Variants in LMX1A observed in about 807,000 individuals in gnomAD.
LMX1A encodes LIM homeobox transcription factor 1 alpha, also known as LIM homeobox transcription factor 1-alpha.
LMX1A carries 15 observed loss-of-function variants against 49.1 expected under a neutral mutation model. That is an observed-to-expected ratio of 0.31 (90% confidence interval 0.20 to 0.47). The LOEUF (loss-of-function observed/expected upper bound fraction) is 0.47, where lower values mean the gene tolerates loss of function less well. Ranked by LOEUF, LMX1A falls within the 20% of genes least tolerant of loss-of-function variation. LMX1A has a pLI of 1.00. For missense variants in LMX1A, 372 were observed against 475.8 expected (o/e 0.78, Z 2.03); for synonymous variants, 167 against 185.7 (o/e 0.90, Z 0.82).
In LMX1A at chr1:165,353,373, C is replaced by T. The variant is rs2101775333; in HGVS notation, c.77-111G>A. 3.5e-6 allele frequency: 3 copies of T among 852,876 alleles called. No homozygotes were observed. The East Asian group carries it at 8.1e-5, about 23-fold the overall frequency. 52.8% of individuals were successfully genotyped at this position (852,876 alleles called of 1,614,324 possible). ...CACATCCACGGATTCCCCCAGCGCC[C>T]CCCACCCCAGGGAACTCCTGCTAAT... On this transcript the variant is annotated intron_variant, in intron 2 of 8. Transcript: ENST00000342310.
At chr1:165,208,250 C>A (rs1340321848) in intron 6 of LMX1A, 118 bp from the exon 7 acceptor site, 2 of 852,382 alleles carry the variant, frequency 2.3e-6, no homozygotes, top group Non-Finnish European at 3.8e-6. Flanking sequence ...AAAGCTCTGG[C>A]TCTTACTTAG....
chr1:165,267,343 C>G (rs1209868047), intron 3 of LMX1A, among the ~76,000 whole-genome samples: 1 of 152,184 alleles, frequency 6.6e-6, no homozygotes, highest in African/African-American at 2.4e-5. Context: ...TACATGTGTT[C>G]AGTAGCATGT....
rs181169060 is a variant in LMX1A at position 165,268,379 on chromosome 1, A to G, written c.264-18739T>C. On this transcript the variant is annotated intron_variant, in intron 3 of 8. Transcript: ENST00000342310. ...TTTTGGGGCCAGTGTTAAGGCCAAG[A>G]TCATGAATGGTGAAGCAGATGGCTC... Among the ~76,000 whole-genome samples, 401 of 152,332 alleles carry G rather than the reference A, an allele frequency of 2.6e-3. 4 individuals are homozygous for G. The highest frequency in any genetic ancestry group is 9.0e-3 in the African/African-American group (376 of 41,574).
intron 4 of LMX1A, among the ~76,000 whole-genome samples, chr1:165,231,088 A>T (rs902198628): frequency 2.0e-4 from 28 of 142,406 alleles, no homozygotes; most frequent in African/African-American, 6.5e-4. Context: ...GTTTTTTAAA[A>T]TTTTTATTTA....
At chr1:165,216,906 C>T (rs1258723686) in intron 4 of LMX1A, among the ~76,000 whole-genome samples, 1 of 152,020 alleles carries the variant, frequency 6.6e-6, no homozygotes, top group African/African-American at 2.4e-5. Flanking sequence ...ATTTTCTCAT[C>T]AGGGAAAGTA....
chr1:165,335,366 G>A (rs894054971), intron 3 of LMX1A, among the ~76,000 whole-genome samples: 1 of 152,124 alleles, frequency 6.6e-6, no homozygotes, highest in African/African-American at 2.4e-5. Flanking sequence ...AAATGTGAGT[G>A]TATGTCCATT....
chr1:165,306,853 A>G (rs72702447), intron 3 of LMX1A, among the ~76,000 whole-genome samples: 2 of 152,318 alleles, frequency 1.3e-5, no homozygotes, highest in Non-Finnish European at 2.9e-5. Context: ...TCCACTCTCC[A>G]GTCCTTGTTG....
intron 3 of LMX1A, among the ~76,000 whole-genome samples, chr1:165,283,706 G>C (rs1654220794): frequency 6.6e-6 from 1 of 152,182 alleles, no homozygotes. Context: ...TTCATGAGTA[G>C]AGAAACCATG....
intron 3 of LMX1A, among the ~76,000 whole-genome samples, chr1:165,253,957 C>T (rs1231168397): frequency 6.6e-6 from 1 of 152,120 alleles, no homozygotes; most frequent in Non-Finnish European, 1.5e-5. Flanking sequence ...GCAGAAAATC[C>T]ACCCAGTTCA....
intron 3 of LMX1A, among the ~76,000 whole-genome samples, chr1:165,277,170 C>T (rs1012774128): frequency 4.6e-5 from 7 of 152,172 alleles, no homozygotes; most frequent in African/African-American, 1.7e-4. Flanking sequence ...GTAAAAGATG[C>T]AGGTAAGGAG....
chr1:165,303,408 T>C (rs957599312), intron 3 of LMX1A, among the ~76,000 whole-genome samples: 7 of 152,228 alleles, frequency 4.6e-5, no homozygotes, highest in Non-Finnish European at 8.8e-5. Flanking sequence ...CGCTTCATGG[T>C]TGGCTGACCT....
At chr1:165,313,918 G>A (rs1224983705) in intron 3 of LMX1A, among the ~76,000 whole-genome samples, 1 of 152,236 alleles carries the variant, frequency 6.6e-6, no homozygotes, top group Non-Finnish European at 1.5e-5. Flanking sequence ...CAGCATCACA[G>A]GAGGAACCCC....
Position 165,318,999 on chromosome 1 carries a change from T to TCACA in LMX1A, c.263+34073_263+34076dup, listed in dbSNP as rs35582531. 4.8e-3 allele frequency among the ~76,000 whole-genome samples: 566 copies of TCACA among 117,798 alleles called. 4 individuals are homozygous for TCACA. The highest frequency in any genetic ancestry group is 0.016 in the African/African-American group (452 of 28,554). 77.3% of individuals were successfully genotyped at this position (117,798 alleles called of 152,430 possible). A position where few individuals can be genotyped will look rare whatever the true frequency, so the allele number is the denominator to read the frequency against. On this transcript the variant is annotated intron_variant, in intron 3 of 8. Coordinates refer to ENST00000342310, the MANE Select transcript of LMX1A (RefSeq NM_177398.4). ...CTGAGATCTCCTCTCTCTCTCTCTC[T>TCACA]CACACACACACACACACACACACAC...
chr1:165,315,056 G>A (rs1329009985), intron 3 of LMX1A, among the ~76,000 whole-genome samples: 1 of 152,206 alleles, frequency 6.6e-6, no homozygotes, highest in Non-Finnish European at 1.5e-5. Flanking sequence ...ACAGTCTGGA[G>A]TTGCACTGCT....
At chr1:165,241,605 G>GTT (rs1652654544) in intron 4 of LMX1A, among the ~76,000 whole-genome samples, 1 of 151,660 alleles carries the variant, frequency 6.6e-6, no homozygotes, top group Non-Finnish European at 1.5e-5. Context: ...CAATACGGAG[G>GTT]ATGAGACTTC....
At chr1:165,281,203 A>T (rs1654138302) in intron 3 of LMX1A, among the ~76,000 whole-genome samples, 1 of 152,206 alleles carries the variant, frequency 6.6e-6, no homozygotes, top group African/African-American at 2.4e-5. Flanking sequence ...CCTCTGAGAA[A>T]AAAAAAGAAA....
At chr1:165,273,659 T>C (rs1653873565) in intron 3 of LMX1A, among the ~76,000 whole-genome samples, 1 of 152,246 alleles carries the variant, frequency 6.6e-6, no homozygotes. Context: ...CAAGTATTTA[T>C]GAAGCGTCCA....
intron 3 of LMX1A, among the ~76,000 whole-genome samples, chr1:165,271,882 T>A (rs527776874): frequency 1.4e-3 from 214 of 152,250 alleles, no homozygotes; most frequent in African/African-American, 5.1e-3. Context: ...TGCACCAAAG[T>A]CTTCACTTTC....
Position 165,210,680 on chromosome 1 carries a change from A to G in LMX1A, c.747+19T>C, listed in dbSNP as rs1157049637. 2 of 1,594,418 alleles carry G rather than the reference A, an allele frequency of 1.3e-6. No homozygotes were observed. The highest frequency in any genetic ancestry group is 1.3e-5 in the African/African-American group (1 of 74,528). On this transcript the variant is annotated intron_variant, in intron 6 of 8. Transcript: ENST00000342310. ...GAAACCAGCAACATGGGGACAGATA[A>G]AAGTAAGAAGCAGGTTACCTTCGCT...
Sources: allele counts gnomAD v4.1 joint callset (sites outside exome capture counted in the v4.1 genomes callset), GRCh38; gene constraint gnomAD v4.1.1; transcripts MANE v1.5; gene names NCBI Gene and HGNC (gene_info 2026-07-23, HGNC 2026-07-21).